EIF2AK3: variants seen among roughly 807,000 people sequenced by gnomAD.
EIF2AK3 encodes the protein eukaryotic translation initiation factor 2 alpha kinase 3.
In EIF2AK3, 50 loss-of-function variants were observed where a neutral mutation model predicts 113.5. That is an observed-to-expected ratio of 0.44 (90% CI 0.35 to 0.56). The LOEUF (loss-of-function observed/expected upper bound fraction) is 0.56. Among genes scored for constraint, EIF2AK3 ranks in the 20% least tolerant of loss-of-function variants. The probability of loss-of-function intolerance (pLI) is 0.00; values close to 1 mark genes in which losing one functional copy is unlikely to be tolerated. For missense variants in EIF2AK3, 1,185 were observed against 1,378.0 expected, an observed-to-expected ratio of 0.86 and a Z score of 2.22; for synonymous variants, 448 against 495.4, an observed-to-expected ratio of 0.90 and a Z score of 1.27.
At chr2:88,590,635 T>C in intron 5 of EIF2AK3, 30 bp from the exon 6 acceptor site, 11 of 1,608,702 alleles carry the variant, frequency 6.8e-6, no homozygotes, top group Non-Finnish European at 9.3e-6. Flanking sequence ...AGGTCTTAAA[T>C]AATTCAAGCA....
At chr2:88,573,371 T>C (rs1180343011) in intron 13 of EIF2AK3, among the ~76,000 whole-genome samples, 1 of 152,200 alleles carries the variant, frequency 6.6e-6, no homozygotes, top group Non-Finnish European at 1.5e-5. Context: ...ACATGATTCA[T>C]TGTCTTTCAA....
At chr2:88,593,801 T>C (rs1674943372) in intron 3 of EIF2AK3, 1 of 753,608 alleles carries the variant, frequency 1.3e-6, no homozygotes, top group Non-Finnish European at 1.6e-6. Context: ...TTTTAAAAAT[T>C]TGAAACTTTT....
At chr2:88,567,095 T>C (rs1337476159) in intron 14 of EIF2AK3, among the ~76,000 whole-genome samples, 2 of 152,258 alleles carry the variant, frequency 1.3e-5, no homozygotes, top group African/African-American at 4.8e-5. Flanking sequence ...TGATATTTCT[T>C]TGTGGCCTAG....
At position 88,592,708 on chromosome 2, in the gene EIF2AK3, A is replaced by G. The variant is rs1233564306; in HGVS notation, c.767+564T>C. Among the ~76,000 whole-genome samples the G allele has an allele frequency of 5.3e-5, 8 of 150,742 alleles. No individual in the cohort carries two copies. The Admixed American group carries it at 5.3e-4, about 10-fold the overall frequency. On this transcript the variant is annotated intron_variant, in intron 4 of 16. Coordinates refer to ENST00000303236, the MANE Select transcript of EIF2AK3 (RefSeq NM_004836.7). ...AACCCGGGAGGCAGCTGTTGTGGTG[A>G]GCTAAGATCATGCCATTGCACTCCA... is the stretch of plus-strand genomic sequence containing the variant.
intron 1 of EIF2AK3, among the ~76,000 whole-genome samples, chr2:88,617,672 G>A (rs1176029652): frequency 6.6e-6 from 1 of 151,300 alleles, no homozygotes; most frequent in Non-Finnish European, 1.5e-5. Context: ...CAGGGGAATC[G>A]CTTGAACCCA....
At chr2:88,602,399 A>T (rs1396475982) in intron 2 of EIF2AK3, among the ~76,000 whole-genome samples, 1 of 152,188 alleles carries the variant, frequency 6.6e-6, no homozygotes, top group Middle Eastern at 3.2e-3. Flanking sequence ...AGTTCTGTGT[A>T]TAAGCTAAGA....
intron 14 of EIF2AK3, among the ~76,000 whole-genome samples, chr2:88,569,690 A>G (rs557769617): frequency 2.0e-4 from 31 of 152,364 alleles, no homozygotes; most frequent in African/African-American, 7.2e-4. Flanking sequence ...ATCCATTCAA[A>G]GTACAAAATG....
chr2:88,595,231 A>C (rs1674990416), intron 3 of EIF2AK3, among the ~76,000 whole-genome samples: 1 of 140,144 alleles, frequency 7.1e-6, no homozygotes, highest in Non-Finnish European at 1.6e-5. Context: ...AAAAAAAAAC[A>C]CCTGAGACAC....
chr2:88,566,175 T>G (rs1367481022), intron 14 of EIF2AK3, among the ~76,000 whole-genome samples: 1 of 152,218 alleles, frequency 6.6e-6, no homozygotes, highest in Non-Finnish European at 1.5e-5. Flanking sequence ...CCTCCCTGCC[T>G]TCTATTGAGC....
intron 8 of EIF2AK3, among the ~76,000 whole-genome samples, chr2:88,587,211 A>C (rs1324538326): frequency 7.2e-6 from 1 of 138,128 alleles, no homozygotes. Context: ...TCTCAAAAAA[A>C]AAAAAAAAAA....
rs1386516487 is a variant in EIF2AK3, at chr2:88,626,962, C to G, written c.308+5G>C. 7 of 1,607,562 alleles carry G rather than the reference C, an allele frequency of 4.4e-6. No individual in the cohort carries two copies. ...GTTGCCTCCCCCGGGTCGGCAGCCC[C>G]TCACCTGCCGCGCGGTCGCAACTCT... On this transcript the variant is annotated splice_donor_5th_base_variant and intron_variant, in intron 1 of 16. Coordinates refer to ENST00000303236, the MANE Select transcript of EIF2AK3 (RefSeq NM_004836.7).
intron 10 of EIF2AK3, among the ~76,000 whole-genome samples, chr2:88,580,284 CCAGT>C (rs1296315109): frequency 5.3e-5 from 8 of 152,162 alleles, no homozygotes; most frequent in Admixed American, 2.6e-4. Flanking sequence ...ACTGTATCAT[CCAGT>C]CAATTTGCAC....
chr2:88,595,365 A>G (rs1674992828), intron 3 of EIF2AK3, 104 bp downstream of exon 3: 1 of 1,170,702 alleles, frequency 8.5e-7, no homozygotes, highest in Non-Finnish European at 1.2e-6. Context: ...CTCAGGGGAA[A>G]ATTACAATAA....
intron 12 of EIF2AK3, among the ~76,000 whole-genome samples, chr2:88,576,041 G>A (rs948629618): frequency 5.3e-5 from 8 of 152,192 alleles, no homozygotes; most frequent in Non-Finnish European, 1.2e-4. Context: ...TTCAGGCTAA[G>A]TTTATGTATT....
At chr2:88,587,451 A>G (rs1364189518) in intron 8 of EIF2AK3, among the ~76,000 whole-genome samples, 1 of 152,122 alleles carries the variant, frequency 6.6e-6, no homozygotes, top group Non-Finnish European at 1.5e-5. Flanking sequence ...TAGAAAATGT[A>G]TTTCATGCCA....
intron 2 of EIF2AK3, among the ~76,000 whole-genome samples, chr2:88,601,834 C>CTTTTTTTTTTTTT (rs59987968): frequency 2.0e-4 from 15 of 74,858 alleles, no homozygotes; most frequent in East Asian, 4.4e-4. Context: ...TAAGATTTTT[C>CTTTTTTTTTTTTT]TTTTTTTTTT....
intron 2 of EIF2AK3, among the ~76,000 whole-genome samples, chr2:88,601,154 A>T (rs1675139392): frequency 6.6e-6 from 1 of 152,198 alleles, no homozygotes; most frequent in African/African-American, 2.4e-5. Flanking sequence ...TCTACATATT[A>T]CATCTGATTC....
intron 2 of EIF2AK3, among the ~76,000 whole-genome samples, chr2:88,612,938 A>C (rs1214365371): frequency 6.6e-6 from 1 of 152,230 alleles, no homozygotes; most frequent in Non-Finnish European, 1.5e-5. Flanking sequence ...CAATGTTAGT[A>C]GTCACCACTC....
At chr2:88,625,368 G>A (rs1044213708) in intron 1 of EIF2AK3, among the ~76,000 whole-genome samples, 16 of 148,228 alleles carry the variant, frequency 1.1e-4, no homozygotes, top group African/African-American at 2.8e-4. Flanking sequence ...CATAATCTCC[G>A]GCCTCTGTGC....
Sources: gnomAD v4.1 joint callset for allele counts (sites outside exome capture counted in the v4.1 genomes callset) on GRCh38, gnomAD v4.1.1 for gene constraint, MANE v1.5 for transcripts, NCBI Gene and HGNC (gene_info 2026-07-23, HGNC 2026-07-21) for gene names.